USP15: variants seen among roughly 807,000 people sequenced by gnomAD.
USP15 encodes ubiquitin carboxyl-terminal hydrolase 15.
A neutral mutation model predicts 127.1 loss-of-function variants in USP15; 18 were observed. The ratio of observed to expected loss-of-function variants is 0.14; its 90% CI spans 0.10 to 0.21. USP15 has a LOEUF of 0.21. Ranked by LOEUF, USP15 falls within the 10% of genes least tolerant of loss-of-function variation. The pLI is 1.00. For synonymous variants in USP15, 364 were observed against 393.7 expected, an observed-to-expected ratio of 0.92 and a Z score of 0.89; for missense variants, 805 against 1,159.9, an observed-to-expected ratio of 0.69 and a Z score of 4.44.
At chr12:62,282,846 T>C (rs796865948) in intron 1 of USP15, among the ~76,000 whole-genome samples, 32 of 152,344 alleles carry the variant, frequency 2.1e-4, no homozygotes, top group African/African-American at 7.7e-4. Context: ...TTAAGTACTT[T>C]GGGAGATAAA....
chr12:62,324,305 G>T (rs1477414203), intron 5 of USP15, among the ~76,000 whole-genome samples: 1 of 151,840 alleles, frequency 6.6e-6, no homozygotes, highest in Non-Finnish European at 1.5e-5. Context: ...AATACTGTTA[G>T]GAATTAAGGC....
chr12:62,345,733 C>A (rs2063751066), intron 6 of USP15, among the ~76,000 whole-genome samples: 1 of 152,112 alleles, frequency 6.6e-6, no homozygotes, highest in South Asian at 2.1e-4. Flanking sequence ...CTTAACAGTT[C>A]CACGTTTCTG....
chr12:62,324,553 A>G (rs945984962), intron 5 of USP15, among the ~76,000 whole-genome samples: 2 of 152,002 alleles, frequency 1.3e-5, no homozygotes, highest in African/African-American at 2.4e-5. Context: ...TTATAAAACT[A>G]TATCAGAATG....
chr12:62,363,482 A>G (rs2066377054), intron 8 of USP15, among the ~76,000 whole-genome samples: 2 of 151,978 alleles, frequency 1.3e-5, no homozygotes, highest in African/African-American at 2.4e-5. Context: ...CTTCCTCTAA[A>G]TATATATATT....
At chr12:62,308,280 A>G (rs1261983850) in intron 3 of USP15, among the ~76,000 whole-genome samples, 1 of 151,984 alleles carries the variant, frequency 6.6e-6, no homozygotes, top group East Asian at 1.9e-4. Context: ...GGAACTGTGA[A>G]TCATTGGGGG....
chr12:62,390,417 CT>C (rs2067286605), intron 14 of USP15, among the ~76,000 whole-genome samples: 1 of 152,010 alleles, frequency 6.6e-6, no homozygotes, highest in Admixed American at 6.6e-5. Context: ...TTTTGCCTTC[CT>C]GAATAAATCC....
chr12:62,335,689 C>T (rs2065440466), intron 6 of USP15: 2 of 985,876 alleles, frequency 2.0e-6, no homozygotes, highest in Non-Finnish European at 1.2e-6. Flanking sequence ...CATATACTTC[C>T]TCCATTTACC....
chr12:62,278,730 A>G (rs2063564205), intron 1 of USP15: 1 of 152,176 alleles, frequency 6.6e-6, no homozygotes, highest in South Asian at 2.1e-4. Flanking sequence ...TAAAAAATCC[A>G]TTTAATATGC....
chr12:62,267,890 A>G (rs890848014), intron 1 of USP15, among the ~76,000 whole-genome samples: 2 of 152,078 alleles, frequency 1.3e-5, no homozygotes, highest in African/African-American at 4.8e-5. Context: ...TCTGTTATTT[A>G]CCCATATGTT....
At chr12:62,278,321 A>G (rs2063551603) in intron 1 of USP15, among the ~76,000 whole-genome samples, 1 of 152,092 alleles carries the variant, frequency 6.6e-6, no homozygotes, top group Non-Finnish European at 1.5e-5. Flanking sequence ...ACTTTTTTTT[A>G]TATATAAGTA....
chr12:62,296,842 A>G (rs1208140569), intron 2 of USP15, among the ~76,000 whole-genome samples: 1 of 152,134 alleles, frequency 6.6e-6, no homozygotes, highest in Non-Finnish European at 1.5e-5. Context: ...CCCTTGGGGG[A>G]AAAGAGGGAG....
chr12:62,311,270 C>T (rs191160830), intron 3 of USP15, among the ~76,000 whole-genome samples: 13 of 151,868 alleles, frequency 8.6e-5, no homozygotes, highest in African/African-American at 3.1e-4. Context: ...AATTGTGAAA[C>T]ATTACTGGGT....
At chr12:62,277,083 A>G (rs2063514314) in intron 1 of USP15, among the ~76,000 whole-genome samples, 1 of 152,130 alleles carries the variant, frequency 6.6e-6, no homozygotes, top group African/African-American at 2.4e-5. Context: ...TCTATACATA[A>G]CTTCTGTGTT....
intron 8 of USP15, among the ~76,000 whole-genome samples, chr12:62,369,293 G>A (rs896125007): frequency 6.6e-6 from 1 of 152,000 alleles, no homozygotes; most frequent in African/African-American, 2.4e-5. Context: ...TGTTCATTTG[G>A]TCATAAAATA....
intron 1 of USP15, among the ~76,000 whole-genome samples, chr12:62,277,249 T>C (rs935900762): frequency 1.3e-5 from 2 of 152,180 alleles, no homozygotes. Context: ...ATGTTTATTA[T>C]GGTATTTATA....
chr12:62,317,080 A>G (rs917472502), intron 4 of USP15, among the ~76,000 whole-genome samples: 4 of 152,158 alleles, frequency 2.6e-5, no homozygotes, highest in Non-Finnish European at 5.9e-5. Context: ...AATGGGAGAT[A>G]TTAGAATACA....
At chr12:62,279,314 G>T (rs2063584085) in intron 1 of USP15, among the ~76,000 whole-genome samples, 1 of 152,108 alleles carries the variant, frequency 6.6e-6, no homozygotes, top group Admixed American at 6.5e-5. Flanking sequence ...CCATGTTGCT[G>T]CATATGGCAG....
intron 18 of USP15, 22 bp downstream of exon 18, chr12:62,392,409 T>C (rs2067352709): frequency 6.6e-7 from 1 of 1,518,698 alleles, no homozygotes; most frequent in South Asian, 1.2e-5. Flanking sequence ...AATTAAATAA[T>C]TGTTTTTGTT....
At chr12:62,308,032 C>T (rs998659841) in intron 3 of USP15, among the ~76,000 whole-genome samples, 1 of 151,984 alleles carries the variant, frequency 6.6e-6, no homozygotes, top group African/African-American at 2.4e-5. Context: ...ATAAATTAAA[C>T]TTCGTCATAG....
Sources: gnomAD v4.1 joint callset for allele counts (sites outside exome capture counted in the v4.1 genomes callset) on GRCh38, gnomAD v4.1.1 for gene constraint, MANE v1.5 for transcripts, NCBI Gene and HGNC (gene_info 2026-07-23, HGNC 2026-07-21) for gene names.